ABI1: variants seen among roughly 807,000 people sequenced by gnomAD.
ABI1 encodes Abelson interactor 1.
ABI1 carries 14 observed loss-of-function variants against 54.6 expected under a neutral mutation model. The ratio of observed to expected loss-of-function variants is 0.26; its 90% CI spans 0.17 to 0.40. ABI1 has a LOEUF of 0.40. Ranked by LOEUF, ABI1 falls within the 10% of genes least tolerant of loss-of-function variation. The probability of loss-of-function intolerance (pLI) is 1.00; values close to 1 mark genes in which losing one functional copy is unlikely to be tolerated. For missense variants in ABI1, 443 were observed against 598.3 expected (o/e 0.74, Z 2.71); for synonymous variants, 194 against 209.3 (o/e 0.93, Z 0.63).
chr10:26,789,250 G>T (rs1327038809), intron 2 of ABI1: 1 of 152,160 alleles, frequency 6.6e-6, no homozygotes, highest in Admixed American at 6.5e-5. Context: ...AAGACAAGTT[G>T]TCAATAAATG....
At position 26,777,214 on chromosome 10, in the gene ABI1, C is replaced by A; in HGVS notation, c.313G>T (p.Ala105Ser). 6.2e-7 allele frequency: 1 copy of A among 1,608,292 alleles called. No individual in the cohort carries two copies. Among genetic ancestry groups the A allele is most frequent in the Non-Finnish European group, 8.5e-7 (1 of 1,178,286 alleles). ...QTVDIHKEKVARREIGILTTN... is the reference protein window; with the variant it reads ...QTVDIHKEKVSRREIGILTTN... ...GTCAAAATACCAATCTCTCTTCGTG[C>A]CACTTTCTCCTTATGAATATCCACA... Residue 105 changes from alanine (A) to serine (S), a missense_variant, in exon 3 of 11, where the codon GCA (alanine) becomes TCA (serine). By Grantham distance (99) the Ala-to-Ser change is moderately conservative. This residue lies in a region of ABI1 where 394 missense variants were observed against 484.8 expected (regional missense o/e 0.81). Coordinates refer to ENST00000376140, the MANE Select transcript of ABI1 (RefSeq NM_001012750.3).
intron 1 of ABI1, among the ~76,000 whole-genome samples, chr10:26,833,887 CA>C (rs1039613842): frequency 6.6e-6 from 1 of 151,796 alleles, no homozygotes; most frequent in Non-Finnish European, 1.5e-5. Flanking sequence ...TTTACAACAC[CA>C]AAAAAACTAG....
chr10:26,823,404 T>C, intron 1 of ABI1, 99 bp from the exon 2 acceptor site: 1 of 996,326 alleles, frequency 1.0e-6, no homozygotes, highest in Non-Finnish European at 1.4e-6. Context: ...ACTAGAGAAA[T>C]TCAATAAAAA....
chr10:26,782,761 C>G (rs72792196), intron 2 of ABI1, among the ~76,000 whole-genome samples: 1 of 149,070 alleles, frequency 6.7e-6, no homozygotes, highest in African/African-American at 2.5e-5. Flanking sequence ...CCAATAAGCA[C>G]ATGAAAAGAC....
At chr10:26,827,589 G>GTTT (rs1289738512) in intron 1 of ABI1, among the ~76,000 whole-genome samples, 1 of 63,888 alleles carries the variant, frequency 1.6e-5, no homozygotes, top group Non-Finnish European at 3.6e-5. Context: ...TTCACTTTCT[G>GTTT]TTTTTTGTTT....
chr10:26,829,994 T>C, intron 1 of ABI1, among the ~76,000 whole-genome samples: 1 of 152,228 alleles, frequency 6.6e-6, no homozygotes, highest in East Asian at 1.9e-4. Context: ...TGGAAACCAC[T>C]GACTTCCTTT....
chr10:26,780,978 G>A (rs1010690820), intron 2 of ABI1, among the ~76,000 whole-genome samples: 1 of 152,196 alleles, frequency 6.6e-6, no homozygotes, highest in Non-Finnish European at 1.5e-5. Context: ...TTACAGGCCT[G>A]AACTGTGAGG....
At chr10:26,821,747 C>T (rs2047997483) in intron 2 of ABI1, among the ~76,000 whole-genome samples, 1 of 146,528 alleles carries the variant, frequency 6.8e-6, no homozygotes, top group Non-Finnish European at 1.5e-5. Flanking sequence ...TGCAGAGAGC[C>T]AAGATCACGC....
At chr10:26,750,897 A>G (rs1233593257) in intron 10 of ABI1, among the ~76,000 whole-genome samples, 3 of 152,180 alleles carry the variant, frequency 2.0e-5, no homozygotes, top group Non-Finnish European at 4.4e-5. Flanking sequence ...ATTTCATGAA[A>G]TACAATCCTG....
intron 1 of ABI1, among the ~76,000 whole-genome samples, chr10:26,824,648 A>C (rs1281975674): frequency 6.6e-6 from 1 of 152,136 alleles, no homozygotes; most frequent in Non-Finnish European, 1.5e-5. Context: ...ATAATATGCT[A>C]CTTCTTAACA....
chr10:26,795,790 A>G (rs901868494), intron 2 of ABI1, among the ~76,000 whole-genome samples: 1 of 152,192 alleles, frequency 6.6e-6, no homozygotes, highest in Non-Finnish European at 1.5e-5. Context: ...AGATAGGAAT[A>G]ATTAATATTG....
intron 1 of ABI1, among the ~76,000 whole-genome samples, chr10:26,823,582 T>C (rs1394753037): frequency 1.3e-5 from 2 of 152,152 alleles, no homozygotes; most frequent in Non-Finnish European, 2.9e-5. Context: ...CTGGTTCTCC[T>C]TGCCTAGACC....
At chr10:26,836,626 T>C (rs1174615158) in intron 1 of ABI1, among the ~76,000 whole-genome samples, 2 of 152,144 alleles carry the variant, frequency 1.3e-5, no homozygotes, top group African/African-American at 4.8e-5. Context: ...AACATTTCTG[T>C]TGCAACCATC....
intron 2 of ABI1, among the ~76,000 whole-genome samples, chr10:26,785,446 G>A (rs1008376345): frequency 1.1e-4 from 16 of 152,222 alleles, no homozygotes; most frequent in African/African-American, 3.9e-4. Context: ...CTCCAGTTGG[G>A]TGTGGTGGCT....
intron 2 of ABI1, among the ~76,000 whole-genome samples, chr10:26,795,876 C>A (rs1844091476): frequency 6.6e-6 from 1 of 152,146 alleles, no homozygotes. Context: ...GCATCCTCCA[C>A]TGAAATAGAA....
chr10:26,821,234 G>A (rs2133769154), intron 2 of ABI1, among the ~76,000 whole-genome samples: 1 of 90,980 alleles, frequency 1.1e-5, no homozygotes. Context: ...ATCAGAGCAA[G>A]ACTCCATCTA....
At chr10:26,820,665 G>A (rs959030818) in intron 2 of ABI1, among the ~76,000 whole-genome samples, 1 of 149,558 alleles carries the variant, frequency 6.7e-6, no homozygotes, top group African/African-American at 2.5e-5. Flanking sequence ...TCGGCTCACT[G>A]CAACCTCCGC....
chr10:26,781,493 G>A (rs1842096482), intron 2 of ABI1, among the ~76,000 whole-genome samples: 4 of 152,182 alleles, frequency 2.6e-5, no homozygotes, highest in African/African-American at 9.7e-5. Context: ...ATTCAACTAA[G>A]CTGAGACGCT....
intron 1 of ABI1, among the ~76,000 whole-genome samples, chr10:26,841,989 T>A (rs761342767): frequency 4.6e-5 from 7 of 152,262 alleles, no homozygotes; most frequent in South Asian, 4.1e-4. Flanking sequence ...CTATTTTTCA[T>A]TTCTTTAGCA....
Sources: gnomAD v4.1 joint callset for allele counts (sites outside exome capture counted in the v4.1 genomes callset) on GRCh38, gnomAD v4.1.1 for gene constraint, gnomAD v4.1.1 regional missense constraint, MANE v1.5 for transcripts, NCBI Gene and HGNC (gene_info 2026-07-23, HGNC 2026-07-21) for gene names.